The following ATP11A variants were observed in gnomAD, a reference collection of about 807,000 sequenced individuals.
ATP11A encodes phospholipid-transporting ATPase IH.
Under a neutral mutation model 154.4 loss-of-function variants are expected in ATP11A, and 81 were observed. The ratio of observed to expected loss-of-function variants is 0.52; its 90% CI spans 0.44 to 0.63. The LOEUF is 0.63. Ranked by LOEUF, ATP11A falls within the 30% of genes least tolerant of loss-of-function variation. The probability of loss-of-function intolerance (pLI) is 0.00; values close to 1 mark genes in which losing one functional copy is unlikely to be tolerated. For missense variants in ATP11A, 1,316 were observed against 1,474.3 expected (o/e 0.89, Z 1.76); for synonymous variants, 623 against 585.9 (o/e 1.06, Z -0.91).
chr13:112,823,792 C>G (rs565775067), intron 9 of ATP11A, among the ~76,000 whole-genome samples: 1 of 152,076 alleles, frequency 6.6e-6, no homozygotes, highest in Admixed American at 6.6e-5. Context: ...ACAAGTGTGC[C>G]CCACTGTCAG....
chr13:112,809,297 T>C (rs1273360940), intron 4 of ATP11A, among the ~76,000 whole-genome samples: 1 of 152,220 alleles, frequency 6.6e-6, no homozygotes, highest in African/African-American at 2.4e-5. Flanking sequence ...TTATTAATGG[T>C]CACAGCTGGA....
intron 25 of ATP11A, among the ~76,000 whole-genome samples, chr13:112,863,670 A>G: frequency 7.3e-6 from 1 of 136,628 alleles, no homozygotes; most frequent in African/African-American, 2.8e-5. Context: ...GGGATCCATC[A>G]CCACCTGCGC....
intron 1 of ATP11A, among the ~76,000 whole-genome samples, chr13:112,738,961 G>A (rs1218640519): frequency 6.6e-6 from 1 of 152,068 alleles, no homozygotes; most frequent in Non-Finnish European, 1.5e-5. Context: ...CTACTCCATG[G>A]AGCCTAGCAG....
intron 1 of ATP11A, among the ~76,000 whole-genome samples, chr13:112,699,112 C>A (rs1017347046): frequency 1.3e-5 from 2 of 152,156 alleles, no homozygotes; most frequent in Non-Finnish European, 2.9e-5. Context: ...TTGTGTAAGT[C>A]GTTCTTTCAA....
intron 12 of ATP11A, among the ~76,000 whole-genome samples, chr13:112,830,747 C>T (rs1384551025): frequency 2.6e-5 from 4 of 152,170 alleles, no homozygotes; most frequent in Non-Finnish European, 2.9e-5. Flanking sequence ...TGCTGCCGTG[C>T]GTTCCAGAAC....
At chr13:112,720,569 AT>A (rs1384765714) in intron 1 of ATP11A, among the ~76,000 whole-genome samples, 1 of 151,288 alleles carries the variant, frequency 6.6e-6, no homozygotes, top group African/African-American at 2.4e-5. Flanking sequence ...TTTTTTTTTA[AT>A]TTTTTTGAGA....
rs1230109856 is a variant in ATP11A at position 112,819,932 on chromosome 13, T to C, written c.707T>C (p.Leu236Pro). ...FVGRINVYSD[L>P]NDPVVRPLGS... ...GGTCGCATCAACGTTTACAGTGACC[T>C]GAATGACCCCGTGGTGAGGTGAGTG... The change falls in exon 8 of 30, where the codon CTG becomes CCG. Residue 236 changes from leucine to proline, a missense_variant. Coordinates refer to ENST00000375645, the MANE Select transcript of ATP11A (RefSeq NM_015205.3). 3.1e-6 allele frequency: 5 copies of C among 1,611,860 alleles called. No homozygotes were observed. The highest frequency in any genetic ancestry group is 4.2e-6 in the Non-Finnish European group (5 of 1,178,916).
Position 112,788,600 on chromosome 13 carries a change from C to T in ATP11A, c.162+3343C>T, listed in dbSNP as rs139870528. 9.8e-4 allele frequency among the ~76,000 whole-genome samples: 139 copies of T among 141,960 alleles called. 1 individual carries two copies. Among genetic ancestry groups the T allele is most frequent in the Admixed American group, 2.0e-3 (28 of 14,216 alleles). The allele number at this position is 141,960 out of a possible 152,430, so 93.1% of individuals were successfully genotyped here. A position where few individuals can be genotyped will look rare whatever the true frequency, so the allele number is the denominator to read the frequency against. ...CTGTGTCCTGATGTGTAGACCCCTGCGGAGACCTACTTAATTCACACCGGG... is the reference window on the plus strand; with the variant it reads ...CTGTGTCCTGATGTGTAGACCCCTGTGGAGACCTACTTAATTCACACCGGG... On this transcript the variant is annotated intron_variant, in intron 2 of 29. Coordinates refer to ENST00000375645, the MANE Select transcript of ATP11A (RefSeq NM_015205.3).
intron 1 of ATP11A, among the ~76,000 whole-genome samples, chr13:112,782,946 T>C (rs9604441): frequency 0.13 from 19,040 of 152,256 alleles, 2,133 homozygotes; most frequent in African/African-American, 0.29. Flanking sequence ...GTGGAAACAC[T>C]GGTTGATAGT....
In ATP11A at chr13:112,825,529, G is replaced by T; in HGVS notation, c.972G>T (p.Arg324=). 8 of 1,613,960 alleles carry T rather than the reference G, an allele frequency of 5.0e-6. No homozygotes were observed. Among genetic ancestry groups the T allele is most frequent in the Non-Finnish European group, 6.8e-6 (8 of 1,179,872 alleles). Residue 324 remains arginine (R), a synonymous_variant, in exon 11 of 30, where the codon CGG becomes CGT. Coordinates refer to ENST00000375645, the MANE Select transcript of ATP11A (RefSeq NM_015205.3). ...ACATGTGGCAGAGTGAGCCCTTTCG[G>T]GATGAGCCGTGGTATAATCAGAAAA... The part of the protein sequence containing the change: ...LKYMWQSEPF[R]DEPWYNQKTE...
intron 4 of ATP11A, among the ~76,000 whole-genome samples, chr13:112,810,195 G>A (rs929553942): frequency 4.6e-5 from 7 of 152,212 alleles, no homozygotes; most frequent in East Asian, 1.9e-4. Context: ...GACACTCAGC[G>A]GGTGGAAATG....
Position 112,873,596 on chromosome 13 carries a change from G to A in ATP11A, c.3081G>A (p.Trp1027Ter). Reference protein sequence around the residue: ...TLKLALDTHYWTWINHFVIWG... With the variant: ...TLKLALDTHY The stretch of plus-strand genomic sequence containing the variant: ...AGCTTGCATTGGACACACACTACTG[G>A]ACTTGGATCAACCATTTTGTCATCT... The change falls in exon 27 of 30, where the codon TGG becomes TGA. Residue 1027 changes from tryptophan to a stop codon, truncating the protein, a stop_gained. Transcript: ENST00000375645. LOFTEE classifies it high-confidence loss of function. 1 of 1,612,140 alleles carries A rather than the reference G, an allele frequency of 6.2e-7. No individual in the cohort carries two copies. Among genetic ancestry groups the A allele is most frequent in the South Asian group, 1.1e-5 (1 of 90,696 alleles).
intron 4 of ATP11A, among the ~76,000 whole-genome samples, chr13:112,810,191 C>T (rs1454337884): frequency 6.6e-6 from 1 of 152,166 alleles, no homozygotes; most frequent in Non-Finnish European, 1.5e-5. Flanking sequence ...GGTTGACACT[C>T]AGCGGGTGGA....
intron 5 of ATP11A, chr13:112,811,671 C>T (rs562392849): frequency 6.6e-6 from 1 of 152,166 alleles, no homozygotes; most frequent in East Asian, 1.9e-4. Flanking sequence ...AATAGCATAA[C>T]CTCAGCTCAC....
chr13:112,748,103 T>C lies in ATP11A; in HGVS notation c.40-37032T>C, dbSNP rs556527845. ...CATCAGGCTGTGTGTATGAGGTGTGTGTGAAACACAAATGAATTTTGTGTT... is the reference window on the plus strand; with the variant it reads ...CATCAGGCTGTGTGTATGAGGTGTGCGTGAAACACAAATGAATTTTGTGTT... On this transcript the variant is annotated intron_variant, in intron 1 of 29. Transcript: ENST00000375645. 3.9e-5 allele frequency among the ~76,000 whole-genome samples: 6 copies of C among 152,352 alleles called. No homozygotes were observed. In the South Asian group the frequency reaches 1.2e-3, roughly 32 times the overall value.
chr13:112,836,123 T>G (rs1310591429), intron 15 of ATP11A, 55 bp from the exon 16 acceptor site: 2 of 1,319,242 alleles, frequency 1.5e-6, no homozygotes, highest in Non-Finnish European at 2.2e-6. Flanking sequence ...AGTTACCAGA[T>G]GGAATCACGT....
chr13:112,819,156 A>G, intron 6 of ATP11A, 148 bp from the exon 7 acceptor site: 1 of 669,834 alleles, frequency 1.5e-6, no homozygotes, highest in South Asian at 1.9e-5. Flanking sequence ...TGCAGGAATA[A>G]CAGTAGTACC....
chr13:112,702,074 G>T (rs966493402), intron 1 of ATP11A, among the ~76,000 whole-genome samples: 1 of 151,942 alleles, frequency 6.6e-6, no homozygotes, highest in Admixed American at 6.6e-5. Flanking sequence ...AGCCTGGTGC[G>T]ATGGGTCAAG....
In ATP11A at chr13:112,885,005, C is replaced by T. The variant is rs2080950152; in HGVS notation, c.*3139C>T. On this transcript the variant is annotated 3_prime_UTR_variant, in exon 30 of 30. Transcript: ENST00000375645. ...GATCACTCACATATGTACATGTACC[C>T]ACCACAAACGTGCAAGCTCCTGCAC... is the stretch of plus-strand genomic sequence containing the variant. 2 of 152,356 alleles carry T rather than the reference C, an allele frequency of 1.3e-5. No homozygotes were observed. The highest frequency in any genetic ancestry group is 2.9e-5 in the Non-Finnish European group (2 of 68,122). 9.4% of individuals were successfully genotyped at this position (152,356 alleles called of 1,614,324 possible). A position where few individuals can be genotyped will look rare whatever the true frequency, so the allele number is the denominator to read the frequency against.
Sources: allele counts gnomAD v4.1 joint callset (sites outside exome capture counted in the v4.1 genomes callset), GRCh38; gene constraint gnomAD v4.1.1; transcripts MANE v1.5; gene names NCBI Gene and HGNC (gene_info 2026-07-23, HGNC 2026-07-21).